MAPK8: variants seen among roughly 807,000 people sequenced by gnomAD.
MAPK8 encodes the protein JUN N-terminal kinase.
A neutral mutation model predicts 52.9 loss-of-function variants in MAPK8; 13 were observed. The observed-to-expected ratio is 0.25, with a 90% CI of 0.16 to 0.39. The LOEUF (loss-of-function observed/expected upper bound fraction) is 0.39, where lower values mean the gene tolerates loss of function less well. Among genes scored for constraint, MAPK8 ranks in the 10% least tolerant of loss-of-function variants. MAPK8 has a pLI of 1.00. For missense variants in MAPK8, 300 were observed against 519.2 expected (o/e 0.58, Z 4.10); for synonymous variants, 191 against 169.8 (o/e 1.12, Z -0.97).
intron 1 of MAPK8, among the ~76,000 whole-genome samples, chr10:48,337,162 A>G (rs1421007753): frequency 6.6e-6 from 1 of 152,174 alleles, no homozygotes; most frequent in Non-Finnish European, 1.5e-5. Context: ...CAACCACAGA[A>G]TACACATTTT....
chr10:48,369,279 T>C (rs1848340645), intron 1 of MAPK8, among the ~76,000 whole-genome samples: 1 of 152,140 alleles, frequency 6.6e-6, no homozygotes, highest in East Asian at 1.9e-4. Context: ...TGATCTGTGG[T>C]AGATTAAAGG....
rs1044624510 is a variant in MAPK8, at chr10:48,438,749, T to C, written c.*3720T>C. 8 of 152,360 alleles carry C rather than the reference T, an allele frequency of 5.3e-5. No individual in the cohort carries two copies. Among genetic ancestry groups the C allele is most frequent in the African/African-American group, 1.9e-4 (8 of 41,588 alleles). The allele number at this position is 152,360 out of a possible 1,614,324, so 9.4% of individuals were successfully genotyped here. On this transcript the variant is annotated 3_prime_UTR_variant, in exon 12 of 12. Transcript: ENST00000374189. ...CCAATGTTGACACAATACCAGTAAG[T>C]ATGTAAAGTATATACCTTACATCAG...
intron 1 of MAPK8, among the ~76,000 whole-genome samples, chr10:48,319,894 C>T (rs1842832164): frequency 6.6e-6 from 1 of 151,822 alleles, no homozygotes; most frequent in South Asian, 2.1e-4. Flanking sequence ...TATCATGTAT[C>T]AGTACTTCGT....
intron 1 of MAPK8, among the ~76,000 whole-genome samples, chr10:48,379,141 C>G (rs2040840799): frequency 6.6e-6 from 1 of 152,184 alleles, no homozygotes; most frequent in African/African-American, 2.4e-5. Context: ...CAGGGATTAA[C>G]CATCAGCCTG....
At chr10:48,334,084 G>T (rs2132274931) in intron 1 of MAPK8, among the ~76,000 whole-genome samples, 1 of 152,268 alleles carries the variant, frequency 6.6e-6, no homozygotes, top group Middle Eastern at 3.4e-3. Flanking sequence ...CACCTTTCCT[G>T]GCTGCTGACT....
chr10:48,368,841 T>G (rs762776251), intron 1 of MAPK8, among the ~76,000 whole-genome samples: 2 of 152,172 alleles, frequency 1.3e-5, no homozygotes, highest in African/African-American at 2.4e-5. Flanking sequence ...ATGCGTCCTC[T>G]TCTGTTGTAT....
At chr10:48,384,660 C>T (rs1457643677) in intron 1 of MAPK8, among the ~76,000 whole-genome samples, 1 of 152,188 alleles carries the variant, frequency 6.6e-6, no homozygotes, top group Non-Finnish European at 1.5e-5. Context: ...TTTGAAAGAA[C>T]AGCCCAAATA....
intron 5 of MAPK8, among the ~76,000 whole-genome samples, chr10:48,415,215 T>C (rs1406738983): frequency 1.3e-5 from 2 of 152,158 alleles, no homozygotes; most frequent in Admixed American, 6.5e-5. Flanking sequence ...GTATGTGAAG[T>C]AGAGCAGACG....
At position 48,320,102 on chromosome 10, in the gene MAPK8, G is replaced by T. The variant is rs564766938; in HGVS notation, c.-50+13281G>T. Reference sequence around the variant, plus strand: ...CAGCTTATTTTGTATTTTTGGTAGAGATAGGGTTTCTCCATGTTGGTCAGG... The same window carrying T: ...CAGCTTATTTTGTATTTTTGGTAGATATAGGGTTTCTCCATGTTGGTCAGG... On this transcript the variant is annotated intron_variant, in intron 1 of 11. Transcript: ENST00000374189. 4.8e-5 allele frequency among the ~76,000 whole-genome samples: 7 copies of T among 146,764 alleles called. No individual in the cohort carries two copies. In the South Asian group the frequency reaches 1.2e-3, roughly 24 times the overall value.
At chr10:48,398,169 G>T (rs1262020319) in intron 1 of MAPK8, among the ~76,000 whole-genome samples, 1 of 151,936 alleles carries the variant, frequency 6.6e-6, no homozygotes, top group Non-Finnish European at 1.5e-5. Context: ...AAAAGACATT[G>T]TTAAGAAAAT....
At chr10:48,414,926 TTC>T (rs1209565220) in intron 5 of MAPK8, among the ~76,000 whole-genome samples, 1 of 152,094 alleles carries the variant, frequency 6.6e-6, no homozygotes, top group Admixed American at 6.6e-5. Flanking sequence ...TACATCTTCC[TTC>T]TGAGTCATCT....
rs149238569 is a variant in MAPK8, at chr10:48,410,625, A to G, written c.450+457A>G. On this transcript the variant is annotated intron_variant, in intron 5 of 11. Coordinates refer to ENST00000374189, the MANE Select transcript of MAPK8 (RefSeq NM_001323329.2). ...CAAGCACAAATATTTGTTTGAATAT[A>G]TATTTTCAGTCCTTTAGGATATACC... Among the ~76,000 whole-genome samples the G allele has an allele frequency of 1.5e-3, 225 of 152,314 alleles. 1 individual carries two copies. Among genetic ancestry groups the G allele is most frequent in the African/African-American group, 5.3e-3 (221 of 41,578 alleles).
At chr10:48,413,272 A>C (rs535101439) in intron 5 of MAPK8, among the ~76,000 whole-genome samples, 50 of 152,288 alleles carry the variant, frequency 3.3e-4, no homozygotes, top group African/African-American at 1.2e-3. Flanking sequence ...TATCTCTTTG[A>C]GACCCTACTT....
chr10:48,350,569 C>T (rs1846214400), intron 1 of MAPK8, among the ~76,000 whole-genome samples: 1 of 152,142 alleles, frequency 6.6e-6, no homozygotes, highest in Non-Finnish European at 1.5e-5. Flanking sequence ...AATTCAATAG[C>T]CCCTCATGCT....
At chr10:48,318,977 A>G (rs777280463) in intron 1 of MAPK8, among the ~76,000 whole-genome samples, 3 of 152,150 alleles carry the variant, frequency 2.0e-5, no homozygotes, top group Non-Finnish European at 4.4e-5. Context: ...ATAATAGATA[A>G]CCAGGGAGAG....
chr10:48,387,408 A>G (rs949023290), intron 1 of MAPK8, among the ~76,000 whole-genome samples: 2 of 152,212 alleles, frequency 1.3e-5, no homozygotes, highest in African/African-American at 4.8e-5. Context: ...TAGTACAGAA[A>G]AGGGAGAAGG....
At chr10:48,353,747 A>C (rs116858918) in intron 1 of MAPK8, among the ~76,000 whole-genome samples, 2,187 of 152,350 alleles carry the variant, frequency 0.014, 23 homozygotes, top group Admixed American at 0.023. Context: ...CATTATGCTG[A>C]GTGAAGAAAA....
intron 1 of MAPK8, among the ~76,000 whole-genome samples, chr10:48,369,182 C>T (rs998711343): frequency 6.6e-6 from 1 of 152,098 alleles, no homozygotes; most frequent in African/African-American, 2.4e-5. Flanking sequence ...GGGAAGGGAA[C>T]TAAAGGAAGG....
intron 1 of MAPK8, among the ~76,000 whole-genome samples, chr10:48,353,658 A>T (rs1222525788): frequency 6.6e-6 from 1 of 152,236 alleles, no homozygotes; most frequent in African/African-American, 2.4e-5. Context: ...GACATTTGTG[A>T]TTCATTTGTA....
Sources: allele counts gnomAD v4.1 joint callset (sites outside exome capture counted in the v4.1 genomes callset), GRCh38; gene constraint gnomAD v4.1.1; transcripts MANE v1.5; gene names NCBI Gene and HGNC (gene_info 2026-07-23, HGNC 2026-07-21).